Variants in CACNG4 observed in about 807,000 individuals in gnomAD.
CACNG4 encodes the protein voltage-dependent calcium channel gamma-4 subunit.
In CACNG4, 8 loss-of-function variants were observed where a neutral mutation model predicts 22.9. The observed-to-expected ratio is 0.35, with a 90% CI of 0.21 to 0.63. CACNG4 has a LOEUF of 0.63. Ranked by LOEUF, CACNG4 falls within the 30% of genes least tolerant of loss-of-function variation. The probability of loss-of-function intolerance (pLI) is 0.72; values close to 1 mark genes in which losing one functional copy is unlikely to be tolerated. For missense variants in CACNG4, 357 were observed against 455.4 expected (o/e 0.78, Z 1.97); for synonymous variants, 188 against 191.9 (o/e 0.98, Z 0.17).
intron 1 of CACNG4, among the ~76,000 whole-genome samples, chr17:66,978,936 C>T (rs1167113595): frequency 6.6e-6 from 1 of 152,188 alleles, no homozygotes; most frequent in African/African-American, 2.4e-5. Flanking sequence ...GAGGATCTCC[C>T]GTCTTCTACC....
At position 67,031,879 on chromosome 17, in the gene CACNG4, G is replaced by T. The variant is rs143223580; in HGVS notation, c.*875G>T. 1 of 456,510 alleles carries T rather than the reference G, an allele frequency of 2.2e-6. No homozygotes were observed. Among genetic ancestry groups the T allele is most frequent in the Non-Finnish European group, 4.4e-6 (1 of 226,974 alleles). The allele number at this position is 456,510 out of a possible 1,614,324, so 28.3% of individuals were successfully genotyped here. On this transcript the variant is annotated 3_prime_UTR_variant, in exon 4 of 4. Transcript: ENST00000262138. The surrounding 1 kb of genome is among the most constrained non-coding windows in gnomAD (Gnocchi z 4.0). ...CTGTCCCCTGAGCGTTGGGGGTCCC[G>T]GGGGAGAGGTGGACAGACACCTCCC...
chr17:67,016,267 A>AATAAC (rs2035496905), intron 1 of CACNG4, among the ~76,000 whole-genome samples: 2 of 152,124 alleles, frequency 1.3e-5, no homozygotes, highest in African/African-American at 4.8e-5. Flanking sequence ...TACGTTGTTC[A>AATAAC]TGCTGGATCC....
At chr17:66,968,077 C>T (rs1817267351) in intron 1 of CACNG4, among the ~76,000 whole-genome samples, 1 of 152,146 alleles carries the variant, frequency 6.6e-6, no homozygotes, top group South Asian at 2.1e-4. Flanking sequence ...CCTGGGAGGA[C>T]GCTGTCTTCA....
At chr17:66,965,189 T>C (rs56193061) in intron 1 of CACNG4, 58 bp downstream of exon 1, 472,285 of 937,308 alleles carry the variant, frequency 0.5, 109,761 homozygotes, top group South Asian at 0.57. Flanking sequence ...CACACACATA[T>C]ACACACGCGC....
In CACNG4 at chr17:67,025,034, G is replaced by A. The variant is rs764935816; in HGVS notation, c.445+34G>A. 4.5e-6 allele frequency: 7 copies of A among 1,548,574 alleles called. No individual in the cohort carries two copies. The African/African-American group carries it at 6.8e-5, about 15-fold the overall frequency. On this transcript the variant is annotated intron_variant, in intron 3 of 3. Transcript: ENST00000262138. The stretch of plus-strand genomic sequence containing the variant: ...CCCGCCCGGGCTGGTGCTGGGCCGG[G>A]AGCTGGGGACACAGGAGTGCCTGTC...
At chr17:67,015,199 G>A (rs1041095698) in intron 1 of CACNG4, among the ~76,000 whole-genome samples, 2 of 152,176 alleles carry the variant, frequency 1.3e-5, no homozygotes, top group African/African-American at 2.4e-5. Flanking sequence ...GAAATAACAC[G>A]GAGCAAACTA....
At chr17:67,011,324 C>T (rs971752610) in intron 1 of CACNG4, among the ~76,000 whole-genome samples, 7 of 152,216 alleles carry the variant, frequency 4.6e-5, no homozygotes, top group East Asian at 1.9e-4. Flanking sequence ...GAGCAGCCCC[C>T]GCAGGGGTGT....
chr17:67,018,063 C>T (rs978180299), intron 1 of CACNG4, 126 bp from the exon 2 acceptor site: 3 of 700,456 alleles, frequency 4.3e-6, no homozygotes, highest in Non-Finnish European at 5.0e-6. Flanking sequence ...CTGGAGCCTG[C>T]CTTTCTTCTC....
chr17:67,010,676 T>C (rs2143341349), intron 1 of CACNG4, among the ~76,000 whole-genome samples: 1 of 152,186 alleles, frequency 6.6e-6, no homozygotes, highest in Non-Finnish European at 1.5e-5. Context: ...ACCCCTCAGT[T>C]CCCCACCTCC....
intron 2 of CACNG4, among the ~76,000 whole-genome samples, chr17:67,024,543 A>G (rs532610285): frequency 6.6e-6 from 1 of 152,308 alleles, no homozygotes; most frequent in African/African-American, 2.4e-5. Context: ...TGCCACAAAA[A>G]TGTGATGCGG....
At chr17:67,000,326 C>G (rs575818621) in intron 1 of CACNG4, among the ~76,000 whole-genome samples, 1 of 152,322 alleles carries the variant, frequency 6.6e-6, no homozygotes, top group East Asian at 1.9e-4. Flanking sequence ...CCAGCCTGTT[C>G]TCACTGTGTC....
chr17:67,030,270 T>A lies in CACNG4; in HGVS notation c.446-196T>A, dbSNP rs2035594933. On this transcript the variant is annotated intron_variant, in intron 3 of 3. Transcript: ENST00000262138. This position sits in a 1 kb window ranked among gnomAD's most constrained non-coding sequence, Gnocchi z 6.4. ...GGGGCTGAGAGTGTGTTTTATTGTA[T>A]ACCTCATTTGAACTTTGTACTCTAT... Among the ~76,000 whole-genome samples, 1 of 152,154 alleles carries A rather than the reference T, an allele frequency of 6.6e-6. No homozygotes were observed.
chr17:66,986,064 G>A (rs1057162683), intron 1 of CACNG4, among the ~76,000 whole-genome samples: 2 of 152,226 alleles, frequency 1.3e-5, no homozygotes, highest in Non-Finnish European at 2.9e-5. Flanking sequence ...AGGGGCCCCC[G>A]GCCCTGAGCC....
intron 1 of CACNG4, among the ~76,000 whole-genome samples, chr17:66,988,093 A>G (rs2035315548): frequency 6.6e-6 from 1 of 151,674 alleles, no homozygotes; most frequent in Admixed American, 6.6e-5. Context: ...ATGCAACTGC[A>G]CACAGTGTGG....
chr17:67,009,923 G>A (rs16960477), intron 1 of CACNG4, among the ~76,000 whole-genome samples: 10,066 of 152,076 alleles, frequency 0.066, 536 homozygotes, highest in East Asian at 0.23. Context: ...CATCCCCACC[G>A]TGGAGACTGT....
At chr17:66,971,183 C>T (rs2035202125) in intron 1 of CACNG4, among the ~76,000 whole-genome samples, 1 of 152,164 alleles carries the variant, frequency 6.6e-6, no homozygotes, top group Non-Finnish European at 1.5e-5. Context: ...CCCATAGCTT[C>T]CACGCTGACG....
Position 67,003,410 on chromosome 17 carries a change from G to C in CACNG4, c.221-14779G>C, listed in dbSNP as rs184339682. Reference sequence around the variant, plus strand: ...TGATCGATAGGTATTTTATCAACTAGTAGCTCCTGAATGGAGCACTGTGTT... The same window carrying C: ...TGATCGATAGGTATTTTATCAACTACTAGCTCCTGAATGGAGCACTGTGTT... On this transcript the variant is annotated intron_variant, in intron 1 of 3. Transcript: ENST00000262138. Among the ~76,000 whole-genome samples the C allele has an allele frequency of 7.2e-5, 11 of 152,164 alleles. No homozygotes were observed. In the East Asian group the frequency reaches 1.8e-3, roughly 24 times the overall value.
chr17:67,021,472 G>C (rs1245254056), intron 2 of CACNG4: 1 of 152,312 alleles, frequency 6.6e-6, no homozygotes, highest in Non-Finnish European at 1.5e-5. Flanking sequence ...TCCGCCCCGA[G>C]CCATGCTTTC....
Position 66,965,045 on chromosome 17 carries a change from AC to A in CACNG4, c.136del (p.Leu46Ter). On this transcript the variant is annotated frameshift_variant, in exon 1 of 4. Coordinates refer to ENST00000262138, the MANE Select transcript of CACNG4 (RefSeq NM_014405.4). LOFTEE classifies it high-confidence loss of function. ...AGCGCGCACATCTGCAACGGCACCA[AC>A]CTGACCATGGACGACGGGCCCCCGC... ...YSSAHICNGT[N>X]LTMDDGPPPR... 6.2e-7 allele frequency: 1 copy of A among 1,607,832 alleles called. No homozygotes were observed.
Sources: allele counts gnomAD v4.1 joint callset (sites outside exome capture counted in the v4.1 genomes callset), GRCh38; gene constraint gnomAD v4.1.1; non-coding constraint Gnocchi (gnomAD v3.1); transcripts MANE v1.5; gene names NCBI Gene and HGNC (gene_info 2026-07-23, HGNC 2026-07-21).